AAK1: variants seen among roughly 807,000 people sequenced by gnomAD.
AAK1 encodes the protein AP2 associated kinase 1.
AAK1 carries 37 observed loss-of-function variants against 116.0 expected under a neutral mutation model. The ratio of observed to expected loss-of-function variants is 0.32; its 90% confidence interval spans 0.25 to 0.42. The LOEUF (loss-of-function observed/expected upper bound fraction) is 0.42. Among genes scored for constraint, AAK1 ranks in the 10% least tolerant of loss-of-function variants. The pLI is 1.00. For synonymous variants in AAK1, 458 were observed against 439.9 expected, an observed-to-expected ratio of 1.04 and a Z score of -0.51; for missense variants, 919 against 1,170.6, an observed-to-expected ratio of 0.79 and a Z score of 3.14.
chr2:69,562,189 C>A (rs894066145), intron 2 of AAK1, among the ~76,000 whole-genome samples: 1 of 152,204 alleles, frequency 6.6e-6, no homozygotes, highest in Non-Finnish European at 1.5e-5. Context: ...ATTTTACACT[C>A]CCAGCAGCCA....
chr2:69,622,589 C>A lies in AAK1; in HGVS notation c.163+20289G>T, dbSNP rs142885124. Among the ~76,000 whole-genome samples, 3 of 152,150 alleles carry A rather than the reference C, an allele frequency of 2.0e-5. No homozygotes were observed. The South Asian group carries it at 6.2e-4, about 32-fold the overall frequency. On this transcript the variant is annotated intron_variant, in intron 2 of 21. Transcript: ENST00000409085. ...TCGACACTCTGTATCTAGCTCAAGG[C>A]TTATAAACACACCAATCAGCACCTT...
intron 16 of AAK1, among the ~76,000 whole-genome samples, chr2:69,502,428 C>A (rs1269358640): frequency 2.0e-5 from 3 of 151,948 alleles, no homozygotes; most frequent in Non-Finnish European, 4.4e-5. Context: ...TCAAGACCAG[C>A]CTGACCAACA....
intron 18 of AAK1, 184 bp downstream of exon 18, chr2:69,482,527 T>C (rs778407546): frequency 4.3e-5 from 30 of 696,060 alleles, no homozygotes; most frequent in Non-Finnish European, 6.6e-5. Flanking sequence ...AGGCAAAAAA[T>C]AGACGTTGTA....
chr2:69,600,473 C>T (rs1294534033), intron 2 of AAK1, among the ~76,000 whole-genome samples: 1 of 151,944 alleles, frequency 6.6e-6, no homozygotes, highest in Non-Finnish European at 1.5e-5. Flanking sequence ...GAGAAAGTAA[C>T]AACAACTACA....
intron 17 of AAK1, among the ~76,000 whole-genome samples, chr2:69,486,939 G>A (rs1396963522): frequency 6.6e-6 from 1 of 152,102 alleles, no homozygotes; most frequent in Non-Finnish European, 1.5e-5. Context: ...GTTAGCATTG[G>A]AAAGAACCTC....
chr2:69,603,743 C>A (rs889027299), intron 2 of AAK1, among the ~76,000 whole-genome samples: 1 of 151,236 alleles, frequency 6.6e-6, no homozygotes, highest in African/African-American at 2.4e-5. Context: ...GAATTAAAAT[C>A]ATCATCATCA....
At chr2:69,571,744 G>A (rs1339673653) in intron 2 of AAK1, among the ~76,000 whole-genome samples, 1 of 152,148 alleles carries the variant, frequency 6.6e-6, no homozygotes, top group Non-Finnish European at 1.5e-5. Context: ...CTGAGACCAA[G>A]GAAGAAAAAT....
intron 3 of AAK1, among the ~76,000 whole-genome samples, chr2:69,546,602 C>T (rs184053918): frequency 5.3e-4 from 81 of 152,268 alleles, no homozygotes; most frequent in African/African-American, 1.8e-3. Context: ...GAGTTGGTCT[C>T]ATCCTAAGAG....
chr2:69,563,141 G>A (rs924189182), intron 2 of AAK1, among the ~76,000 whole-genome samples: 2 of 152,126 alleles, frequency 1.3e-5, no homozygotes, highest in Non-Finnish European at 2.9e-5. Flanking sequence ...TTCAGCAATG[G>A]GGCTTTGGAA....
At chr2:69,522,510 A>G (rs1382672966) in intron 10 of AAK1, among the ~76,000 whole-genome samples, 2 of 152,110 alleles carry the variant, frequency 1.3e-5, no homozygotes, top group Non-Finnish European at 1.5e-5. Flanking sequence ...AAGGTGTAAG[A>G]AAGAAAAAGC....
rs185295228 is a variant in AAK1, at chr2:69,464,556, G to A, written c.*11313C>T. ...AAAATGGGGTTCAAGTCAGTTAGGC[G>A]AGCAAACACCAAAAAACGAGTGATT... On this transcript the variant is annotated 3_prime_UTR_variant, in exon 22 of 22. Transcript: ENST00000409085. 9.8e-5 allele frequency: 15 copies of A among 152,688 alleles called. No homozygotes were observed. In the East Asian group the frequency reaches 1.9e-3, roughly 20 times the overall value. The allele number at this position is 152,688 out of a possible 1,614,324, so 9.5% of individuals were successfully genotyped here.
Position 69,480,971 on chromosome 2 carries a change from C to T in AAK1, c.2468-10G>A, listed in dbSNP as rs1010516676. 9.4e-6 allele frequency: 15 copies of T among 1,589,208 alleles called. No individual in the cohort carries two copies. In the Admixed American group the frequency reaches 2.1e-4, roughly 23 times the overall value. On this transcript the variant is annotated splice_polypyrimidine_tract_variant and intron_variant, in intron 18 of 21. Transcript: ENST00000409085. Reference sequence around the variant, plus strand: ...GCAACATCAGCTTTTTCTTTCGTAACAGAGCATTAAGAAGAGGAAAGGGTA... The same window carrying T: ...GCAACATCAGCTTTTTCTTTCGTAATAGAGCATTAAGAAGAGGAAAGGGTA...
At chr2:69,563,304 G>A (rs1233787851) in intron 2 of AAK1, among the ~76,000 whole-genome samples, 3 of 152,154 alleles carry the variant, frequency 2.0e-5, no homozygotes, top group African/African-American at 7.2e-5. Flanking sequence ...AGGTGAGCAG[G>A]AAGAGGAGAA....
chr2:69,514,281 A>G (rs2104981170), intron 13 of AAK1, among the ~76,000 whole-genome samples, 190 bp downstream of exon 13: 1 of 152,344 alleles, frequency 6.6e-6, no homozygotes, highest in Middle Eastern at 3.4e-3. Flanking sequence ...TTTTTTAAAA[A>G]AACCTCTATC....
At chr2:69,515,808 A>G (rs1337011585) in intron 12 of AAK1, among the ~76,000 whole-genome samples, 2 of 150,972 alleles carry the variant, frequency 1.3e-5, no homozygotes, top group African/African-American at 2.4e-5. Context: ...TACTGGGGCA[A>G]AGTTAAAGGG....
intron 2 of AAK1, among the ~76,000 whole-genome samples, chr2:69,581,078 A>G (rs1330132117): frequency 6.6e-6 from 1 of 152,128 alleles, no homozygotes; most frequent in Non-Finnish European, 1.5e-5. Flanking sequence ...ATTTATCTAG[A>G]GCCTGCTGAG....
rs1273843039 is a variant in AAK1 at position 69,474,076 on chromosome 2, A to G, written c.*1793T>C. The G allele has an allele frequency of 1.0e-6, 1 of 985,774 alleles. No homozygotes were observed. The highest frequency in any genetic ancestry group is 1.2e-6 in the Non-Finnish European group (1 of 829,954). 61.1% of individuals were successfully genotyped at this position (985,774 alleles called of 1,614,324 possible). On this transcript the variant is annotated 3_prime_UTR_variant, in exon 22 of 22. Transcript: ENST00000409085. ...TATTTAAAGACAGAAGGAAGGCTGG[A>G]AGATTCAGACTTTTCCTCCAATGCC...
chr2:69,574,298 A>T (rs1672207441), intron 2 of AAK1, among the ~76,000 whole-genome samples: 1 of 149,358 alleles, frequency 6.7e-6, no homozygotes, highest in Non-Finnish European at 1.5e-5. Flanking sequence ...TTGAATCTTG[A>T]ATCCGGGAGG....
intron 2 of AAK1, among the ~76,000 whole-genome samples, chr2:69,584,759 T>C (rs2105151701): frequency 6.6e-6 from 1 of 152,326 alleles, no homozygotes; most frequent in Middle Eastern, 3.4e-3. Context: ...CAGGTCAGCA[T>C]CAAGTCTTTG....
Sources: allele counts gnomAD v4.1 joint callset (sites outside exome capture counted in the v4.1 genomes callset), GRCh38; gene constraint gnomAD v4.1.1; transcripts MANE v1.5; gene names NCBI Gene and HGNC (gene_info 2026-07-23, HGNC 2026-07-21).